CCSER1: variants seen among roughly 807,000 people sequenced by gnomAD.
CCSER1 encodes coiled-coil serine rich protein 1.
A neutral mutation model predicts 82.0 loss-of-function variants in CCSER1; 41 were observed. The observed-to-expected ratio is 0.50, with a 90% CI of 0.39 to 0.65. The LOEUF is 0.65. CCSER1 is among the 30% of genes least tolerant of loss of function. The pLI, the probability that CCSER1 is intolerant of heterozygous loss-of-function variation, is 0.00. For missense variants in CCSER1, 1,119 were observed against 1,064.2 expected (o/e 1.05, Z -0.72); for synonymous variants, 414 against 383.9 (o/e 1.08, Z -0.92).
intron 3 of CCSER1, among the ~76,000 whole-genome samples, chr4:90,372,061 T>G (rs557633149): frequency 3.3e-5 from 5 of 152,154 alleles, no homozygotes; most frequent in Admixed American, 1.3e-4. Context: ...TCAAAAATCG[T>G]TTGGAACTCT....
chr4:91,465,478 C>T (rs980509962), intron 10 of CCSER1, among the ~76,000 whole-genome samples: 5 of 152,014 alleles, frequency 3.3e-5, no homozygotes, highest in Non-Finnish European at 5.9e-5. Context: ...CAAAAGCTAG[C>T]AGAAGGCAAG....
At chr4:90,350,522 T>C (rs1430826591) in intron 3 of CCSER1, among the ~76,000 whole-genome samples, 2 of 152,074 alleles carry the variant, frequency 1.3e-5, no homozygotes, top group African/African-American at 4.8e-5. Context: ...CATAGAAAAC[T>C]AAGGAGAGTA....
intron 10 of CCSER1, among the ~76,000 whole-genome samples, chr4:91,137,880 G>A (rs1173603800): frequency 7.5e-6 from 1 of 133,528 alleles, no homozygotes; most frequent in Non-Finnish European, 1.6e-5. Flanking sequence ...ACTTACAAGG[G>A]ATGTGAAGGA....
chr4:90,227,437 T>A (rs1009822278), intron 1 of CCSER1, among the ~76,000 whole-genome samples: 1 of 152,210 alleles, frequency 6.6e-6, no homozygotes, highest in Non-Finnish European at 1.5e-5. Flanking sequence ...TTCCTAATAT[T>A]TGTAACTACA....
intron 10 of CCSER1, among the ~76,000 whole-genome samples, chr4:91,229,828 T>G (rs1738482981): frequency 6.6e-6 from 1 of 151,810 alleles, no homozygotes; most frequent in Admixed American, 6.6e-5. Flanking sequence ...ATACTGGGGC[T>G]TGTCGGGGGT....
At chr4:91,198,059 T>C (rs1404429034) in intron 10 of CCSER1, among the ~76,000 whole-genome samples, 2 of 152,204 alleles carry the variant, frequency 1.3e-5, no homozygotes, top group African/African-American at 2.4e-5. Context: ...AAAAGATCAA[T>C]TCAAGCCATT....
intron 10 of CCSER1, among the ~76,000 whole-genome samples, chr4:91,171,257 T>A (rs1329068131): frequency 6.6e-6 from 1 of 152,206 alleles, no homozygotes; most frequent in East Asian, 1.9e-4. Flanking sequence ...TAGGGCTGCA[T>A]GTTTCAGCTA....
chr4:90,169,057 T>C (rs928781521), intron 1 of CCSER1, among the ~76,000 whole-genome samples: 3 of 152,036 alleles, frequency 2.0e-5, no homozygotes, highest in Non-Finnish European at 2.9e-5. Flanking sequence ...ATCTGTAAAT[T>C]ACCTTGGGCA....
chr4:91,248,632 G>A (rs1740002352), intron 10 of CCSER1, among the ~76,000 whole-genome samples: 1 of 152,168 alleles, frequency 6.6e-6, no homozygotes, highest in Non-Finnish European at 1.5e-5. Flanking sequence ...GATTGTCTGA[G>A]AAACTGTCAC....
chr4:90,863,634 G>T lies in CCSER1; in HGVS notation c.2094+47789G>T, dbSNP rs555877289. Among the ~76,000 whole-genome samples the T allele has an allele frequency of 4.6e-5, 7 of 150,618 alleles. No homozygotes were observed. The East Asian group carries it at 1.4e-3, about 30-fold the overall frequency. ...TAATTTTTGTTAGATATTTAATATT[G>T]TTATTATCCAAAATAACATTTGAAG... On this transcript the variant is annotated intron_variant, in intron 8 of 10. Transcript: ENST00000509176.
chr4:91,169,492 G>T (rs902761823), intron 10 of CCSER1, among the ~76,000 whole-genome samples: 11 of 152,058 alleles, frequency 7.2e-5, no homozygotes, highest in African/African-American at 2.2e-4. Flanking sequence ...ATGGTGGCGG[G>T]TGCCTGTAAT....
intron 10 of CCSER1, among the ~76,000 whole-genome samples, chr4:91,533,425 TGGA>T (rs1200028828): frequency 6.6e-6 from 1 of 152,168 alleles, no homozygotes; most frequent in African/African-American, 2.4e-5. Flanking sequence ...TGAAAAATGT[TGGA>T]GTTTCTTCTT....
intron 1 of CCSER1, among the ~76,000 whole-genome samples, chr4:90,139,929 C>T (rs1329013364): frequency 2.0e-5 from 3 of 152,002 alleles, no homozygotes; most frequent in Admixed American, 6.5e-5. Flanking sequence ...ACTTGCACTC[C>T]AACCTGGGCG....
chr4:91,594,510 A>ATATC, intron 10 of CCSER1, among the ~76,000 whole-genome samples: 1 of 150,468 alleles, frequency 6.6e-6, no homozygotes, highest in South Asian at 2.1e-4. Context: ...AGATCTATCT[A>ATATC]TATCTATCTA....
At chr4:91,212,138 A>G (rs552415763) in intron 10 of CCSER1, among the ~76,000 whole-genome samples, 8 of 152,174 alleles carry the variant, frequency 5.3e-5, no homozygotes, top group Middle Eastern at 3.4e-3. Context: ...TTGGTACAGT[A>G]TTCACCTCAG....
intron 7 of CCSER1, among the ~76,000 whole-genome samples, chr4:90,784,239 G>A (rs1164769069): frequency 2.0e-5 from 3 of 152,154 alleles, no homozygotes; most frequent in Non-Finnish European, 4.4e-5. Flanking sequence ...CACGTGACTA[G>A]CTGAATAATT....
At chr4:91,312,328 G>T (rs998617276) in intron 10 of CCSER1, among the ~76,000 whole-genome samples, 1 of 151,726 alleles carries the variant, frequency 6.6e-6, no homozygotes, top group Non-Finnish European at 1.5e-5. Flanking sequence ...AAGAGGCAGA[G>T]ATTCCAATGT....
At chr4:90,326,253 G>A (rs930570937) in intron 3 of CCSER1, among the ~76,000 whole-genome samples, 1 of 151,884 alleles carries the variant, frequency 6.6e-6, no homozygotes, top group Non-Finnish European at 1.5e-5. Flanking sequence ...GTAGAGACGG[G>A]GTTTCACTGT....
intron 10 of CCSER1, among the ~76,000 whole-genome samples, chr4:91,589,157 A>G (rs754967000): frequency 4.4e-4 from 67 of 151,836 alleles, no homozygotes; most frequent in Non-Finnish European, 8.4e-4. Context: ...AAATTACTGT[A>G]TTTTTATTTC....
Sources: gnomAD v4.1 joint callset for allele counts (sites outside exome capture counted in the v4.1 genomes callset) on GRCh38, gnomAD v4.1.1 for gene constraint, MANE v1.5 for transcripts, NCBI Gene and HGNC (gene_info 2026-07-23, HGNC 2026-07-21) for gene names.